Variants in PCDHA7 observed in about 807,000 individuals in gnomAD.
PCDHA7 encodes protocadherin alpha 7.
A neutral mutation model predicts 57.2 loss-of-function variants in PCDHA7; 37 were observed. That is an observed-to-expected ratio of 0.65 (90% CI 0.50 to 0.85). The LOEUF is 0.85. Among genes scored for constraint, PCDHA7 ranks in the 40% least tolerant of loss-of-function variants. The probability of loss-of-function intolerance (pLI) is 0.00; values close to 1 mark genes in which losing one functional copy is unlikely to be tolerated. For synonymous variants in PCDHA7, 553 were observed against 558.8 expected (o/e 0.99, Z 0.15); for missense variants, 1,188 against 1,241.8 (o/e 0.96, Z 0.65).
At chr5:140,864,945 C>G (rs2048665503) in intron 1 of PCDHA7, 1 of 152,120 alleles carries the variant, frequency 6.6e-6, no homozygotes, top group Non-Finnish European at 1.5e-5. Flanking sequence ...GGCCTGTAAT[C>G]CCAGCATTTT....
chr5:140,857,949 G>A (rs1554150927), intron 1 of PCDHA7: 3 of 1,597,424 alleles, frequency 1.9e-6, no homozygotes, highest in Non-Finnish European at 2.6e-6. Flanking sequence ...AGTACGACGC[G>A]CGCTCTGGAT....
intron 1 of PCDHA7, chr5:140,849,490 G>A: frequency 6.3e-7 from 1 of 1,592,564 alleles, no homozygotes; most frequent in African/African-American, 1.4e-5. Context: ...CCCCTGGCTG[G>A]TCATTGTACA....
intron 1 of PCDHA7, among the ~76,000 whole-genome samples, chr5:140,897,071 A>AT (rs1433909021): frequency 3.3e-5 from 5 of 151,872 alleles, no homozygotes; most frequent in African/African-American, 1.2e-4. Flanking sequence ...TGTCTTATTC[A>AT]TTTTTTCTAT....
At position 140,987,235 on chromosome 5, in the gene PCDHA7, T is replaced by G. The variant is rs189203030; in HGVS notation, c.2503+4672T>G. Among the ~76,000 whole-genome samples, 565 of 151,370 alleles carry G rather than the reference T, an allele frequency of 3.7e-3. 4 individuals are homozygous for G. The highest frequency in any genetic ancestry group is 0.013 in the African/African-American group (539 of 41,236). On this transcript the variant is annotated intron_variant, in intron 3 of 3. Transcript: ENST00000525929. Reference sequence around the variant, plus strand: ...TCTCAAAAAAAAAAAAAATAATAAATAAAGAAAGAAAGACATTCTCAGGAA... The same window carrying G: ...TCTCAAAAAAAAAAAAAATAATAAAGAAAGAAAGAAAGACATTCTCAGGAA...
rs1193708084 is a variant in PCDHA7, at chr5:140,882,956, A to AT, written c.2355+46219dup. 3.1e-6 allele frequency: 5 copies of AT among 1,614,110 alleles called. No individual in the cohort carries two copies. In the African/African-American group the frequency reaches 6.7e-5, roughly 22 times the overall value. ...GCTGACTGGCACAGTTCAGCTGCTC[A>AT]TCACGATTCTGGACGTGAATGACAA... On this transcript the variant is annotated intron_variant, in intron 1 of 3. Transcript: ENST00000525929.
At position 140,836,420 on chromosome 5, in the gene PCDHA7, G is replaced by C. The variant is rs2150260462; in HGVS notation, c.2037G>C (p.Ser679=). Residue 679 remains serine, a synonymous_variant, in exon 1 of 4, where the codon TCG becomes TCC. Coordinates refer to ENST00000525929, the MANE Select transcript of PCDHA7 (RefSeq NM_018910.3). The part of the protein sequence containing the change: ...LVESGQAPKA[S]SRASLGIAGP... ...AAAGCGGCCAGGCACCAAAGGCGTC[G>C]TCGCGGGCATCGTTGGGCATTGCAG... 6.2e-7 allele frequency: 1 copy of C among 1,613,810 alleles called. No homozygotes were observed. The highest frequency in any genetic ancestry group is 8.5e-7 in the Non-Finnish European group (1 of 1,179,840).
Position 140,842,339 on chromosome 5 carries a change from A to G in PCDHA7, c.2355+5601A>G, listed in dbSNP as rs2150334391. 9 of 1,607,816 alleles carry G rather than the reference A, an allele frequency of 5.6e-6. No individual in the cohort carries two copies. The South Asian group carries it at 9.9e-5, about 18-fold the overall frequency. Reference sequence around the variant, plus strand: ...GGGTCATTGCACCGTTTTAGTGAGAATTTTGGATAAAAATGATAACGTCCC... The same window carrying G: ...GGGTCATTGCACCGTTTTAGTGAGAGTTTTGGATAAAAATGATAACGTCCC... On this transcript the variant is annotated intron_variant, in intron 1 of 3. Coordinates refer to ENST00000525929, the MANE Select transcript of PCDHA7 (RefSeq NM_018910.3).
rs77098340 is a variant in PCDHA7 at position 140,895,412 on chromosome 5, C to T, written c.2355+58674C>T. 8.0e-3 allele frequency among the ~76,000 whole-genome samples: 1,218 copies of T among 152,216 alleles called. 6 individuals carry two copies. Among genetic ancestry groups the T allele is most frequent in the African/African-American group, 0.019 (785 of 41,528 alleles). On this transcript the variant is annotated intron_variant, in intron 1 of 3. Coordinates refer to ENST00000525929, the MANE Select transcript of PCDHA7 (RefSeq NM_018910.3). The stretch of plus-strand genomic sequence containing the variant: ...CTCAACACCATCAAAAGCCCCATAA[C>T]CTTCTTTTGCTTCCTCCTGAGACTC...
In PCDHA7 at chr5:140,836,137, T is replaced by C. The variant is rs1774231095; in HGVS notation, c.1754T>C (p.Val585Ala). Residue 585 changes from valine to alanine, a missense_variant, in exon 1 of 4, where the codon GTG becomes GCG. This residue lies in a region of PCDHA7 where 892 missense variants were observed against 788.5 expected (regional missense o/e 1.13). Transcript: ENST00000525929. ...GAVRELVPRS[V>A]GAGHVVAKVR... The stretch of plus-strand genomic sequence containing the variant: ...GTGAGAGAGCTTGTGCCGCGGTCTG[T>C]GGGCGCGGGCCATGTGGTGGCGAAG... 1 of 1,613,594 alleles carries C rather than the reference T, an allele frequency of 6.2e-7. No individual in the cohort carries two copies. The highest frequency in any genetic ancestry group is 1.1e-5 in the South Asian group (1 of 91,074).
Position 140,881,357 on chromosome 5 carries a change from CT to C in PCDHA7, c.2355+44622del, listed in dbSNP as rs1486951603. 3.0e-6 allele frequency: 3 copies of C among 985,228 alleles called. No homozygotes were observed. The African/African-American group carries it at 5.2e-5, about 17-fold the overall frequency. 61.0% of individuals were successfully genotyped at this position (985,228 alleles called of 1,614,324 possible). A position where few individuals can be genotyped will look rare whatever the true frequency, so the allele number is the denominator to read the frequency against. ...CGCCGATTCGGGCTACAATGCGTGG[CT>C]TTCGTATGAATTGCAGCCGGCGGCG... On this transcript the variant is annotated intron_variant, in intron 1 of 3. Coordinates refer to ENST00000525929, the MANE Select transcript of PCDHA7 (RefSeq NM_018910.3).
chr5:140,950,110 C>A (rs542585854), intron 1 of PCDHA7, among the ~76,000 whole-genome samples: 23 of 151,848 alleles, frequency 1.5e-4, no homozygotes, highest in African/African-American at 5.5e-4. Context: ...AAATCTCATA[C>A]AATACAAAAC....
At chr5:140,972,001 A>G (rs2096512667) in intron 1 of PCDHA7, among the ~76,000 whole-genome samples, 1 of 152,202 alleles carries the variant, frequency 6.6e-6, no homozygotes, top group African/African-American at 2.4e-5. Context: ...CAATGTTTAT[A>G]TTCCCTTTTA....
chr5:140,953,858 T>C (rs568873240), intron 1 of PCDHA7, among the ~76,000 whole-genome samples: 10 of 152,328 alleles, frequency 6.6e-5, no homozygotes, highest in African/African-American at 1.9e-4. Flanking sequence ...TGTGCCATGG[T>C]GGTTTGCTGC....
At chr5:140,946,903 T>A (rs2094054259) in intron 1 of PCDHA7, among the ~76,000 whole-genome samples, 1 of 151,408 alleles carries the variant, frequency 6.6e-6, no homozygotes, top group African/African-American at 2.4e-5. Flanking sequence ...ATAGGAAGAA[T>A]AAGTTCTGGT....
At chr5:140,908,073 G>A (rs2153503880) in intron 1 of PCDHA7, among the ~76,000 whole-genome samples, 1 of 152,322 alleles carries the variant, frequency 6.6e-6, no homozygotes, top group Admixed American at 6.5e-5. Context: ...CATGAAAAGT[G>A]CACAACCAGG....
At chr5:140,969,584 G>C in intron 1 of PCDHA7, 1 of 907,936 alleles carries the variant, frequency 1.1e-6, no homozygotes, top group Non-Finnish European at 1.6e-6. Context: ...GTGAGGATTA[G>C]TCTTAATATT....
intron 1 of PCDHA7, chr5:140,882,453 G>C: frequency 1.2e-6 from 2 of 1,614,042 alleles, no homozygotes; most frequent in South Asian, 2.2e-5. Flanking sequence ...CTGGTGCCGC[G>C]CCTGTTCCGG....
chr5:140,835,898 G>T lies in PCDHA7; in HGVS notation c.1515G>T (p.Ser505=), dbSNP rs2150247809. 5 of 1,612,080 alleles carry T rather than the reference G, an allele frequency of 3.1e-6. No homozygotes were observed. The Admixed American group carries it at 8.3e-5, about 27-fold the overall frequency. ...VELRVGERAL[S]SYVSVHAESG... ...TGCGGGTGGGCGAGCGCGCGCTGTCGAGCTACGTGTCAGTGCACGCGGAGA... is the reference window on the plus strand; with the variant it reads ...TGCGGGTGGGCGAGCGCGCGCTGTCTAGCTACGTGTCAGTGCACGCGGAGA... The change falls in exon 1 of 4, where the codon TCG becomes TCT. Residue 505 remains serine, a synonymous_variant. Transcript: ENST00000525929.
In PCDHA7 at chr5:140,836,730, A is replaced by G. The variant is rs2150268726; in HGVS notation, c.2347A>G (p.Thr783Ala). 6.2e-6 allele frequency: 10 copies of G among 1,610,112 alleles called. No individual in the cohort carries two copies. In the African/African-American group the frequency reaches 1.1e-4, roughly 17 times the overall value. The change falls in exon 1 of 4, where the codon ACA becomes GCA. Residue 783 changes from threonine (T) to alanine (A), a missense_variant. Transcript: ENST00000525929. The part of the protein sequence containing the change: ...SPSLPQGPSS[T>A]DNPRQPNPDW... The stretch of plus-strand genomic sequence containing the variant: ...CAGCCTTCCTCAGGGTCCATCCTCT[A>G]CAGACAATGTGAGTCATAAATAATC...
Sources: allele counts gnomAD v4.1 joint callset (sites outside exome capture counted in the v4.1 genomes callset), GRCh38; gene constraint gnomAD v4.1.1; regional missense constraint gnomAD v4.1.1; transcripts MANE v1.5; gene names NCBI Gene and HGNC (gene_info 2026-07-23, HGNC 2026-07-21).